ARHGAP28: variants seen among roughly 807,000 people sequenced by gnomAD.
ARHGAP28 encodes Rho GTPase activating protein 28, also known as rho GTPase-activating protein 28.
A neutral mutation model predicts 90.7 loss-of-function variants in ARHGAP28; 56 were observed. That is an observed-to-expected ratio of 0.62 (90% CI 0.50 to 0.77). The LOEUF (loss-of-function observed/expected upper bound fraction) is 0.77, where lower values mean the gene tolerates loss of function less well. ARHGAP28 is among the 30% of genes least tolerant of loss of function. ARHGAP28 has a pLI of 0.00. For missense variants in ARHGAP28, 869 were observed against 900.9 expected (o/e 0.96, Z 0.45); for synonymous variants, 308 against 323.3 (o/e 0.95, Z 0.51).
chr18:6,738,181 T>C (rs1367170216), intron 1 of ARHGAP28, among the ~76,000 whole-genome samples: 1 of 152,204 alleles, frequency 6.6e-6, no homozygotes, highest in Non-Finnish European at 1.5e-5. Context: ...TGAGATTTAT[T>C]TGTGCTATTT....
intron 9 of ARHGAP28, among the ~76,000 whole-genome samples, chr18:6,875,810 T>C (rs2057126637): frequency 2.0e-5 from 3 of 152,328 alleles, no homozygotes; most frequent in South Asian, 4.1e-4. Flanking sequence ...GAAAGAGTTA[T>C]AGTAATCAGA....
intron 6 of ARHGAP28, among the ~76,000 whole-genome samples, chr18:6,869,117 G>T (rs1434580430): frequency 6.6e-6 from 1 of 152,102 alleles, no homozygotes; most frequent in East Asian, 1.9e-4. Flanking sequence ...TGGAGCATTG[G>T]CCTGTTTAAT....
intron 1 of ARHGAP28, among the ~76,000 whole-genome samples, chr18:6,811,512 A>G (rs2056556170): frequency 1.3e-5 from 2 of 152,200 alleles, no homozygotes; most frequent in Admixed American, 1.3e-4. Flanking sequence ...TACCTATTAT[A>G]TGTCTATTAA....
At chr18:6,796,792 T>G (rs1276696918) in intron 1 of ARHGAP28, among the ~76,000 whole-genome samples, 1 of 151,924 alleles carries the variant, frequency 6.6e-6, no homozygotes, top group Non-Finnish European at 1.5e-5. Context: ...GAAAATGAAC[T>G]ACTTGTTTTT....
intron 5 of ARHGAP28, among the ~76,000 whole-genome samples, chr18:6,862,689 T>C: frequency 6.6e-6 from 1 of 152,180 alleles, no homozygotes; most frequent in South Asian, 2.1e-4. Context: ...GACTACCTCA[T>C]AAAAAATCTT....
chr18:6,760,717 G>A (rs915791394), intron 1 of ARHGAP28, among the ~76,000 whole-genome samples: 5 of 152,170 alleles, frequency 3.3e-5, no homozygotes, highest in Non-Finnish European at 7.4e-5. Flanking sequence ...TTGCAATAGA[G>A]CTTTCCCTTT....
At chr18:6,753,356 A>G (rs1042811388) in intron 1 of ARHGAP28, among the ~76,000 whole-genome samples, 2 of 152,196 alleles carry the variant, frequency 1.3e-5, no homozygotes, top group African/African-American at 2.4e-5. Context: ...GGATATTCCT[A>G]TTTTATCGAA....
At chr18:6,883,331 G>A (rs763800183) in intron 11 of ARHGAP28, among the ~76,000 whole-genome samples, 34 of 151,632 alleles carry the variant, frequency 2.2e-4, no homozygotes, top group Non-Finnish European at 3.8e-4. Flanking sequence ...CTCCACCCCC[G>A]GGATTCAAGC....
chr18:6,738,349 TTACTTA>T (rs1827055774), intron 1 of ARHGAP28, among the ~76,000 whole-genome samples: 1 of 151,932 alleles, frequency 6.6e-6, no homozygotes, highest in Non-Finnish European at 1.5e-5. Context: ...TTATATACAT[TTACTTA>T]TACTTTATAC....
At chr18:6,906,525 A>G (rs2057365638) in intron 16 of ARHGAP28, among the ~76,000 whole-genome samples, 1 of 152,170 alleles carries the variant, frequency 6.6e-6, no homozygotes. Context: ...AAGCAATTTG[A>G]TGGAGGAAGC....
chr18:6,736,530 G>A lies in ARHGAP28; in HGVS notation c.122+6587G>A, dbSNP rs555417031. On this transcript the variant is annotated intron_variant, in intron 1 of 17. Coordinates refer to ENST00000383472, the MANE Select transcript of ARHGAP28 (RefSeq NM_001366230.1). The stretch of plus-strand genomic sequence containing the variant: ...CGAGGTGAGCGGATCACCTGAGGTC[G>A]GGAGTTCGAGACCAGCCTGACTAAC... Among the ~76,000 whole-genome samples the A allele has an allele frequency of 6.5e-4, 99 of 151,580 alleles. 1 individual carries two copies. Among genetic ancestry groups the A allele is most frequent in the African/African-American group, 2.3e-3 (94 of 41,342 alleles).
intron 3 of ARHGAP28, among the ~76,000 whole-genome samples, chr18:6,843,311 C>T (rs572750944): frequency 1.1e-4 from 17 of 152,230 alleles, no homozygotes; most frequent in African/African-American, 4.1e-4. Flanking sequence ...TCTTCAGTGT[C>T]TGGAAGGGAA....
At chr18:6,898,970 G>A (rs2057323899) in intron 16 of ARHGAP28, among the ~76,000 whole-genome samples, 1 of 152,072 alleles carries the variant, frequency 6.6e-6, no homozygotes, top group South Asian at 2.1e-4. Context: ...CAAAATCTCA[G>A]AAATTACCAC....
intron 14 of ARHGAP28, among the ~76,000 whole-genome samples, chr18:6,891,476 G>A (rs1293839124): frequency 6.6e-6 from 1 of 152,056 alleles, no homozygotes; most frequent in African/African-American, 2.4e-5. Context: ...GTAGAGTAGG[G>A]TTTCACCATG....
intron 4 of ARHGAP28, among the ~76,000 whole-genome samples, chr18:6,855,059 G>T (rs1271315660): frequency 6.6e-6 from 1 of 152,216 alleles, no homozygotes; most frequent in Non-Finnish European, 1.5e-5. Flanking sequence ...AGGGCAGCTC[G>T]GCACAGGCCT....
chr18:6,763,945 C>G (rs147881983), intron 1 of ARHGAP28, among the ~76,000 whole-genome samples: 4 of 152,090 alleles, frequency 2.6e-5, no homozygotes, highest in African/African-American at 9.7e-5. Context: ...AAATAATTAT[C>G]AAGAATATGC....
At chr18:6,735,069 T>C (rs1321937322) in intron 1 of ARHGAP28, among the ~76,000 whole-genome samples, 1 of 152,214 alleles carries the variant, frequency 6.6e-6, no homozygotes. Flanking sequence ...CTCTAATGTA[T>C]GCACAAAAGT....
chr18:6,759,759 C>T (rs901061657), intron 1 of ARHGAP28, among the ~76,000 whole-genome samples: 1 of 152,070 alleles, frequency 6.6e-6, no homozygotes, highest in Non-Finnish European at 1.5e-5. Context: ...GGCTCTTATG[C>T]CCAGCTGCAG....
At chr18:6,853,939 T>G (rs1392163332) in intron 4 of ARHGAP28, among the ~76,000 whole-genome samples, 2 of 152,152 alleles carry the variant, frequency 1.3e-5, no homozygotes, top group Non-Finnish European at 2.9e-5. Context: ...GGGCACATGT[T>G]GTCAGGACAC....
Sources: allele counts gnomAD v4.1 joint callset (sites outside exome capture counted in the v4.1 genomes callset), GRCh38; gene constraint gnomAD v4.1.1; transcripts MANE v1.5; gene names NCBI Gene and HGNC (gene_info 2026-07-23, HGNC 2026-07-21).